Variants in TFIP11 observed in about 807,000 individuals in gnomAD.
TFIP11 encodes the protein tuftelin-interacting protein 11.
Under a neutral mutation model 96.8 loss-of-function variants are expected in TFIP11, and 86 were observed. The ratio of observed to expected loss-of-function variants is 0.89; its 90% confidence interval spans 0.75 to 1.06. TFIP11 has a LOEUF of 1.06. Ranked by LOEUF, TFIP11 falls within the 50% of genes least tolerant of loss-of-function variation. TFIP11 has a pLI of 0.00. For synonymous variants in TFIP11, 405 were observed against 395.2 expected, an observed-to-expected ratio of 1.02 and a Z score of -0.29; for missense variants, 881 against 1,076.7, an observed-to-expected ratio of 0.82 and a Z score of 2.54.
At chr22:26,504,011 G>C (rs1260652247) in intron 6 of TFIP11, among the ~76,000 whole-genome samples, 9 of 152,158 alleles carry the variant, frequency 5.9e-5, no homozygotes, top group Non-Finnish European at 1.3e-4. Flanking sequence ...CTGCTGACTA[G>C]TTTATTTATA....
At position 26,491,687 on chromosome 22, in the gene TFIP11, A is replaced by G. The variant is rs1407930636; in HGVS notation, c.*326T>C. On this transcript the variant is annotated 3_prime_UTR_variant, in exon 15 of 15. Coordinates refer to ENST00000407690, the MANE Select transcript of TFIP11 (RefSeq NM_012143.4). ...CTACTGACTGAACTCGTTGTGAGGTACTCAGTGTTGGCTGAGGTAGAAGCT... is the reference window on the plus strand; with the variant it reads ...CTACTGACTGAACTCGTTGTGAGGTGCTCAGTGTTGGCTGAGGTAGAAGCT... 6.2e-7 allele frequency: 1 copy of G among 1,604,466 alleles called. No homozygotes were observed. Among genetic ancestry groups the G allele is most frequent in the African/African-American group, 1.3e-5 (1 of 74,882 alleles).
At chr22:26,502,587 A>G (rs1352652804) in intron 7 of TFIP11, among the ~76,000 whole-genome samples, 1 of 152,170 alleles carries the variant, frequency 6.6e-6, no homozygotes, top group African/African-American at 2.4e-5. Flanking sequence ...GTTTACGAAC[A>G]CAAATTTGTA....
chr22:26,506,652 G>C (rs1009997631), intron 5 of TFIP11, 123 bp downstream of exon 5: 1 of 1,384,730 alleles, frequency 7.2e-7, no homozygotes, highest in Non-Finnish European at 1.0e-6. Context: ...ACAGAAACCT[G>C]CCACCAAAAG....
At chr22:26,495,948 C>A in intron 12 of TFIP11, 125 bp downstream of exon 12, 1 of 1,371,060 alleles carries the variant, frequency 7.3e-7, no homozygotes, top group Non-Finnish European at 9.8e-7. Context: ...TTTTTCACAG[C>A]AAGGAATATT....
chr22:26,491,940 C>G lies in TFIP11; in HGVS notation c.*73G>C. Reference sequence around the variant, plus strand: ...AAGAAGTTACCCTTTTGAAGGTGATCTAAAAATACTGTTTATTTACAGTAC... The same window carrying G: ...AAGAAGTTACCCTTTTGAAGGTGATGTAAAAATACTGTTTATTTACAGTAC... On this transcript the variant is annotated 3_prime_UTR_variant, in exon 15 of 15. Transcript: ENST00000407690. 1 of 1,404,784 alleles carries G rather than the reference C, an allele frequency of 7.1e-7. No individual in the cohort carries two copies. The highest frequency in any genetic ancestry group is 2.5e-5 in the East Asian group (1 of 40,016). The allele number at this position is 1,404,784 out of a possible 1,614,324, so 87.0% of individuals were successfully genotyped here.
At chr22:26,499,903 T>C (rs1922568554) in intron 8 of TFIP11, among the ~76,000 whole-genome samples, 1 of 152,136 alleles carries the variant, frequency 6.6e-6, no homozygotes, top group South Asian at 2.1e-4. Flanking sequence ...GAAATTTAAA[T>C]AGGGACTGAG....
chr22:26,499,390 A>T lies in TFIP11; in HGVS notation c.1043T>A (p.Met348Lys). The change falls in exon 9 of 15, where the codon ATG (methionine) becomes AAG (lysine). Residue 348 changes from methionine to lysine, a missense_variant. Coordinates refer to ENST00000407690, the MANE Select transcript of TFIP11 (RefSeq NM_012143.4). ...NDRQLQYERD[M>K]VVNLFHELEK... ...CAGCTCGTGGAAGAGGTTGACCACC[A>T]TGTCCCGCTCATACTGTAGCTGCCG... The T allele has an allele frequency of 6.2e-7, 1 of 1,614,046 alleles. No homozygotes were observed. The highest frequency in any genetic ancestry group is 8.5e-7 in the Non-Finnish European group (1 of 1,179,954).
intron 11 of TFIP11, 66 bp from the exon 12 acceptor site, chr22:26,496,382 G>C: frequency 6.6e-7 from 1 of 1,526,528 alleles, no homozygotes; most frequent in Non-Finnish European, 8.8e-7. Context: ...CCCCTGTGTG[G>C]CTAAAGGCAA....
At chr22:26,502,140 C>T in intron 7 of TFIP11, 88 bp from the exon 8 acceptor site, 1 of 1,512,898 alleles carries the variant, frequency 6.6e-7, no homozygotes, top group Non-Finnish European at 9.1e-7. Flanking sequence ...CAGATGTCAC[C>T]ATTCACTGTC....
intron 12 of TFIP11, 79 bp downstream of exon 12, chr22:26,495,994 C>G: frequency 1.3e-6 from 2 of 1,545,104 alleles, no homozygotes; most frequent in Middle Eastern, 1.9e-4. Context: ...AAAGGCGATG[C>G]TTTAAATCAT....
intron 10 of TFIP11, among the ~76,000 whole-genome samples, chr22:26,498,284 T>C (rs1463227691): frequency 6.6e-6 from 1 of 152,188 alleles, no homozygotes; most frequent in African/African-American, 2.4e-5. Context: ...GGCTCACGCC[T>C]GGAATCCCAG....
intron 13 of TFIP11, 28 bp downstream of exon 13, chr22:26,494,769 C>T (rs369233806): frequency 1.5e-5 from 25 of 1,613,982 alleles, no homozygotes; most frequent in Middle Eastern, 3.3e-4. Flanking sequence ...GTTCCCTCCC[C>T]CAGAAATCCA....
In TFIP11 at chr22:26,506,431, C is replaced by A. The variant is rs746401440; in HGVS notation, c.392G>T (p.Gly131Val). The change falls in exon 6 of 15, where the codon GGT becomes GTT. Residue 131 changes from glycine to valine, a missense_variant. Physicochemically the swap from Gly to Val is moderately radical, Grantham distance 109. Coordinates refer to ENST00000407690, the MANE Select transcript of TFIP11 (RefSeq NM_012143.4). ...GAAAGATTTGGTTCCTCCTGCAAAA[C>A]CTTTCTGGCTGGGCTTAAAATTGCC... ...TGGNFKPSQK[G>V]FAGGTKSFMD... 6 of 1,610,992 alleles carry A rather than the reference C, an allele frequency of 3.7e-6. No homozygotes were observed. The highest frequency in any genetic ancestry group is 1.7e-4 in the Middle Eastern group (1 of 6,052).
At chr22:26,503,964 T>A (rs997862819) in intron 6 of TFIP11, among the ~76,000 whole-genome samples, 171 bp from the exon 7 acceptor site, 2 of 152,166 alleles carry the variant, frequency 1.3e-5, no homozygotes, top group African/African-American at 4.8e-5. Context: ...CCCTTGTGAT[T>A]TGAAACTTAT....
At position 26,496,120 on chromosome 22, in the gene TFIP11, G is replaced by A. The variant is rs764507407; in HGVS notation, c.1802C>T (p.Pro601Leu). The change falls in exon 12 of 15, where the codon CCT (proline) becomes CTT (leucine). Residue 601 changes from proline to leucine, a missense_variant. Pro to Leu is a moderately conservative substitution (Grantham distance 98). Coordinates refer to ENST00000407690, the MANE Select transcript of TFIP11 (RefSeq NM_012143.4). ...GACCATGAATGCTTCCCAGGAGCCA[G>A]GAGTGAAGACATCCTTCCAGGGCTG... ...ILQPWKDVFT[P>L]GSWEAFMVKN... is the part of the protein sequence containing the mutation. The A allele has an allele frequency of 6.2e-6, 10 of 1,613,882 alleles. No homozygotes were observed. The highest frequency in any genetic ancestry group is 4.0e-5 in the African/African-American group (3 of 74,912).
intron 6 of TFIP11, 29 bp downstream of exon 6, chr22:26,506,274 C>A: frequency 6.4e-7 from 1 of 1,561,456 alleles, no homozygotes; most frequent in South Asian, 1.2e-5. Context: ...TGCCCTCCTC[C>A]ATCATGCAAG....
chr22:26,506,884 A>G lies in TFIP11; in HGVS notation c.254T>C (p.Leu85Pro). 2 of 1,614,122 alleles carry G rather than the reference A, an allele frequency of 1.2e-6. No individual in the cohort carries two copies. Among genetic ancestry groups the G allele is most frequent in the Non-Finnish European group, 1.7e-6 (2 of 1,180,020 alleles). ...TGCCTCCTCCGCTGCCCCTTTCTTG[A>G]GCCCTGCGCTGATGAAGTTGACTGG... ...SAPVNFISAG[L>P]KKGAAEEAEL... is the part of the protein sequence containing the mutation. Residue 85 changes from leucine to proline, a missense_variant, in exon 5 of 15, where the codon CTC becomes CCC. Transcript: ENST00000407690.
rs1443683130 is a variant in TFIP11 at position 26,506,693 on chromosome 22, T to C, written c.363+82A>G. On this transcript the variant is annotated intron_variant, in intron 5 of 14. Transcript: ENST00000407690. ...ACTCACGAAATTCATTCCAGATGAGTTTCTCCCTGGCTAGAAAATGCTTGG... is the reference window on the plus strand; with the variant it reads ...ACTCACGAAATTCATTCCAGATGAGCTTCTCCCTGGCTAGAAAATGCTTGG... 12 of 1,554,026 alleles carry C rather than the reference T, an allele frequency of 7.7e-6. No homozygotes were observed. The Admixed American group carries it at 2.0e-4, about 26-fold the overall frequency.
In TFIP11 at chr22:26,496,102, A is replaced by G; in HGVS notation, c.1820T>C (p.Phe607Ser). Residue 607 changes from phenylalanine to serine, a missense_variant, in exon 12 of 15, where the codon TTC (phenylalanine) becomes TCC (serine). Transcript: ENST00000407690. Reference sequence around the variant, plus strand: ...CTTGGGCACTATGTTTTTGACCATGAATGCTTCCCAGGAGCCAGGAGTGAA... The same window carrying G: ...CTTGGGCACTATGTTTTTGACCATGGATGCTTCCCAGGAGCCAGGAGTGAA... Reference protein sequence around the residue: ...DVFTPGSWEAFMVKNIVPKLG... With the variant: ...DVFTPGSWEASMVKNIVPKLG... 1 of 1,613,874 alleles carries G rather than the reference A, an allele frequency of 6.2e-7. No homozygotes were observed. Among genetic ancestry groups the G allele is most frequent in the Non-Finnish European group, 8.5e-7 (1 of 1,180,014 alleles).
Sources: gnomAD v4.1 joint callset for allele counts (sites outside exome capture counted in the v4.1 genomes callset) on GRCh38, gnomAD v4.1.1 for gene constraint, MANE v1.5 for transcripts, NCBI Gene and HGNC (gene_info 2026-07-23, HGNC 2026-07-21) for gene names.